SPAST: variants seen among roughly 807,000 people sequenced by gnomAD.
The protein encoded by SPAST is spastic paraplegia 4 (autosomal dominant; spastin).
A neutral mutation model predicts 76.6 loss-of-function variants in SPAST; 30 were observed. The ratio of observed to expected loss-of-function variants is 0.39; its 90% CI spans 0.29 to 0.53. The LOEUF (loss-of-function observed/expected upper bound fraction) is 0.53. Among genes scored for constraint, SPAST ranks in the 20% least tolerant of loss-of-function variants. SPAST has a pLI of 0.68. For missense variants in SPAST, 717 were observed against 770.5 expected, an observed-to-expected ratio of 0.93 and a Z score of 0.82; for synonymous variants, 305 against 281.0, an observed-to-expected ratio of 1.09 and a Z score of -0.86.
At chr2:32,079,781 C>T (rs999584674) in intron 1 of SPAST, among the ~76,000 whole-genome samples, 4 of 152,148 alleles carry the variant, frequency 2.6e-5, no homozygotes, top group African/African-American at 9.7e-5. Flanking sequence ...ATCTCTAACT[C>T]CTGGGCTCAG....
chr2:32,116,700 C>T (rs1406384780), intron 7 of SPAST, among the ~76,000 whole-genome samples: 1 of 152,212 alleles, frequency 6.6e-6, no homozygotes, highest in East Asian at 1.9e-4. Context: ...TACCTGATGT[C>T]AAGTTATCCA....
At chr2:32,065,605 CCT>C (rs1676478526) in intron 1 of SPAST, among the ~76,000 whole-genome samples, 1 of 152,122 alleles carries the variant, frequency 6.6e-6, no homozygotes. Context: ...ACAATTCTCC[CCT>C]TTTATCCTTA....
chr2:32,064,271 GCGGCGGCGCC>G, intron 1 of SPAST, 25 bp downstream of exon 1: 11 of 1,509,060 alleles, frequency 7.3e-6, no homozygotes, highest in South Asian at 2.4e-5. Context: ...GGGGGAGGGG[GCGGCGGCGCC>G]GGGAAGAAGG....
chr2:32,135,147 T>A (rs959043194), intron 9 of SPAST, among the ~76,000 whole-genome samples: 4 of 151,494 alleles, frequency 2.6e-5, no homozygotes, highest in Non-Finnish European at 5.9e-5. Flanking sequence ...TGTGTGTGTG[T>A]GAGATGGAGT....
intron 4 of SPAST, 109 bp downstream of exon 4, chr2:32,099,000 A>G (rs1678022012): frequency 1.3e-6 from 1 of 785,160 alleles, no homozygotes; most frequent in East Asian, 2.6e-5. Flanking sequence ...TTAATTGTTC[A>G]TGTTTTCACA....
chr2:32,094,554 A>T (rs1302426392), intron 3 of SPAST, among the ~76,000 whole-genome samples: 1 of 152,230 alleles, frequency 6.6e-6, no homozygotes, highest in South Asian at 2.1e-4. Flanking sequence ...CAAGGAGATT[A>T]TAGTAGAGAT....
At chr2:32,132,746 C>T (rs1031230191) in intron 9 of SPAST, among the ~76,000 whole-genome samples, 11 of 151,888 alleles carry the variant, frequency 7.2e-5, no homozygotes, top group Admixed American at 6.6e-4. Flanking sequence ...CAGTGGCTCA[C>T]ACCTGTGATC....
chr2:32,067,281 C>A (rs1050834045), intron 1 of SPAST, among the ~76,000 whole-genome samples: 2 of 152,028 alleles, frequency 1.3e-5, no homozygotes, highest in Non-Finnish European at 2.9e-5. Flanking sequence ...AGGCTGGTTT[C>A]GAGCTCCTGA....
intron 1 of SPAST, among the ~76,000 whole-genome samples, chr2:32,074,830 C>T (rs1676888051): frequency 6.6e-6 from 1 of 152,054 alleles, no homozygotes; most frequent in Non-Finnish European, 1.5e-5. Flanking sequence ...TGAGGGTCAA[C>T]TTTTACCCTT....
chr2:32,128,742 G>A, intron 9 of SPAST: 1 of 451,394 alleles, frequency 2.2e-6, no homozygotes. Context: ...TTGTCTCACA[G>A]TTGTGGAAGG....
rs1167121506 is a variant in SPAST at position 32,136,914 on chromosome 2, G to C, written c.1359G>C (p.Gly453=). Residue 453 remains glycine, a synonymous_variant, in exon 11 of 17, where the codon GGG becomes GGC. Coordinates refer to ENST00000315285, the MANE Select transcript of SPAST (RefSeq NM_014946.4). ...VDSLLCERRE[G]EHDASRRLKT... is the part of the protein sequence containing the mutation. The stretch of plus-strand genomic sequence containing the variant: ...GCCTTTTGTGTGAAAGAAGAGAAGG[G>C]GAGCACGATGCTAGTAGACGCCTAA... 2.5e-6 allele frequency: 4 copies of C among 1,613,786 alleles called. No homozygotes were observed. The South Asian group carries it at 4.4e-5, about 18-fold the overall frequency.
intron 9 of SPAST, among the ~76,000 whole-genome samples, chr2:32,134,216 T>G (rs1038324042): frequency 1.3e-5 from 2 of 151,816 alleles, no homozygotes; most frequent in African/African-American, 4.8e-5. Flanking sequence ...TAAAAAATTC[T>G]GGGGGGCCGA....
intron 1 of SPAST, among the ~76,000 whole-genome samples, chr2:32,083,639 T>C (rs185745866): frequency 0.01 from 1,242 of 121,490 alleles, 25 homozygotes; most frequent in South Asian, 0.07. Context: ...GCAATACTTA[T>C]ATTTGACTCT....
At chr2:32,136,482 T>C (rs1679540162) in intron 9 of SPAST, 81 bp from the exon 10 acceptor site, 2 of 1,039,570 alleles carry the variant, frequency 1.9e-6, no homozygotes, top group African/African-American at 1.6e-5. Flanking sequence ...AATTCCTGTG[T>C]GCTAGATTTT....
At chr2:32,152,158 C>A (rs1558346364) in intron 16 of SPAST, among the ~76,000 whole-genome samples, 1 of 152,186 alleles carries the variant, frequency 6.6e-6, no homozygotes, top group African/African-American at 2.4e-5. Context: ...CAGCTACCAT[C>A]TGCCTTTTTC....
intron 16 of SPAST, among the ~76,000 whole-genome samples, chr2:32,149,347 C>G (rs1680000817): frequency 6.6e-6 from 1 of 151,680 alleles, no homozygotes; most frequent in African/African-American, 2.4e-5. Flanking sequence ...GATCGCCAGC[C>G]TCGGCCTCCC....
chr2:32,127,184 C>T (rs1240786943), intron 8 of SPAST, 162 bp downstream of exon 8: 3 of 641,440 alleles, frequency 4.7e-6, no homozygotes, highest in Non-Finnish European at 8.4e-6. Context: ...TTTGAGTGAT[C>T]TGGGCTCACC....
chr2:32,069,423 C>A (rs1680814962), intron 1 of SPAST, among the ~76,000 whole-genome samples: 1 of 151,930 alleles, frequency 6.6e-6, no homozygotes, highest in Admixed American at 6.6e-5. Flanking sequence ...CTCAGTGCTT[C>A]AAAATATATA....
rs1032855713 is a variant in SPAST at position 32,157,003 on chromosome 2, T to C, written c.*2507T>C. The stretch of plus-strand genomic sequence containing the variant: ...GGGCCATGAAAATAGAGTAATGATA[T>C]AGTAGGAGATAAGGGATTGGTTTGG... On this transcript the variant is annotated 3_prime_UTR_variant, in exon 17 of 17. Transcript: ENST00000315285. 1 of 152,304 alleles carries C rather than the reference T, an allele frequency of 6.6e-6. No homozygotes were observed. The highest frequency in any genetic ancestry group is 2.4e-5 in the African/African-American group (1 of 41,452). The allele number at this position is 152,304 out of a possible 1,614,324, so 9.4% of individuals were successfully genotyped here.
Sources: allele counts gnomAD v4.1 joint callset (sites outside exome capture counted in the v4.1 genomes callset), GRCh38; gene constraint gnomAD v4.1.1; transcripts MANE v1.5; gene names NCBI Gene and HGNC (gene_info 2026-07-23, HGNC 2026-07-21).